The following INSYN2A variants were observed in gnomAD, a reference collection of about 807,000 sequenced individuals.
The protein encoded by INSYN2A is inhibitory synaptic factor 2A, also known as family with sequence similarity 196 member A.
In INSYN2A, 17 loss-of-function variants were observed where a neutral mutation model predicts 39.4. That is an observed-to-expected ratio of 0.43 (90% confidence interval 0.30 to 0.65). The LOEUF is 0.65. INSYN2A is among the 30% of genes least tolerant of loss of function. INSYN2A has a pLI of 0.14. For missense variants in INSYN2A, 595 were observed against 631.2 expected, an observed-to-expected ratio of 0.94 and a Z score of 0.61; for synonymous variants, 255 against 265.7, an observed-to-expected ratio of 0.96 and a Z score of 0.39.
chr10:127,178,460 C>T (rs770775901), intron 2 of INSYN2A, among the ~76,000 whole-genome samples: 26 of 152,116 alleles, frequency 1.7e-4, no homozygotes, highest in Non-Finnish European at 2.9e-4. Flanking sequence ...TAGCACCGCT[C>T]CCTCCCAGTG....
At position 127,175,736 on chromosome 10, in the gene INSYN2A, G is replaced by A. The variant is rs754152980; in HGVS notation, c.660C>T (p.Pro220=). ...TGGCCCTCCCGAGCAGCTGGTAATC[G>A]GGCTCTTCGGATGGAGGCCGAGTGG... is the stretch of plus-strand genomic sequence containing the variant. ...QNSTRPPSEE[P]DYQLLGRAKQ... is the part of the protein sequence containing the mutation. The change falls in exon 4 of 6, where the codon CCC becomes CCT. Residue 220 remains proline, a synonymous_variant. Transcript: ENST00000522781. This position sits in a 1 kb window ranked among gnomAD's most constrained non-coding sequence, Gnocchi z 6.3. The A allele has an allele frequency of 2.0e-5, 32 of 1,613,994 alleles. No individual in the cohort carries two copies. Among genetic ancestry groups the A allele is most frequent in the Middle Eastern group, 1.7e-4 (1 of 6,060 alleles).
intron 2 of INSYN2A, among the ~76,000 whole-genome samples, chr10:127,182,235 G>A (rs1442033325): frequency 4.6e-5 from 7 of 152,154 alleles, no homozygotes; most frequent in Non-Finnish European, 1.0e-4. Context: ...AGGCATCGAG[G>A]CAGAAGAAAA....
intron 4 of INSYN2A, among the ~76,000 whole-genome samples, chr10:127,155,879 G>A (rs561171199): frequency 6.6e-6 from 1 of 152,316 alleles, no homozygotes; most frequent in African/African-American, 2.4e-5. Flanking sequence ...CAATGGCACG[G>A]TCCACGCTGA....
chr10:127,174,314 G>T (rs1441183571), intron 4 of INSYN2A, among the ~76,000 whole-genome samples: 1 of 152,168 alleles, frequency 6.6e-6, no homozygotes, highest in Non-Finnish European at 1.5e-5. Flanking sequence ...ATGGGCAAGA[G>T]AGGTCTCGGC....
rs183992567 is a variant in INSYN2A, at chr10:127,149,580, C to T, written c.1256+4272G>A. 2.3e-3 allele frequency among the ~76,000 whole-genome samples: 348 copies of T among 152,266 alleles called. 4 individuals are homozygous for T. Among genetic ancestry groups the T allele is most frequent in the Admixed American group, 0.019 (284 of 15,290 alleles). On this transcript the variant is annotated intron_variant, in intron 5 of 5. Coordinates refer to ENST00000522781, the MANE Select transcript of INSYN2A (RefSeq NM_001039762.3). The stretch of plus-strand genomic sequence containing the variant: ...CCTGGGCCAGGCATTACTGGAAACA[C>T]GGTGGATAGCTATGCTGCTCGGAGA...
At chr10:127,145,202 G>A (rs1342190315) in intron 5 of INSYN2A, among the ~76,000 whole-genome samples, 1 of 152,118 alleles carries the variant, frequency 6.6e-6, no homozygotes, top group Non-Finnish European at 1.5e-5. Context: ...CAGATGCACA[G>A]GGGTCAGAGA....
intron 4 of INSYN2A, among the ~76,000 whole-genome samples, chr10:127,174,201 CT>C (rs1440188077): frequency 2.6e-5 from 4 of 152,228 alleles, no homozygotes; most frequent in African/African-American, 9.6e-5. Flanking sequence ...GGGCTCAGGG[CT>C]CGCAGAGTGA....
rs200600372 is a variant in INSYN2A at position 127,177,142 on chromosome 10, TAAAA to T, written c.-268-7_-268-4del. 1 of 147,716 alleles carries T rather than the reference TAAAA, an allele frequency of 6.8e-6. No individual in the cohort carries two copies. The allele number at this position is 147,716 out of a possible 1,614,324, so 9.2% of individuals were successfully genotyped here. On this transcript the variant is annotated splice_polypyrimidine_tract_variant and splice_region_variant and intron_variant, in intron 2 of 5. Coordinates refer to ENST00000522781, the MANE Select transcript of INSYN2A (RefSeq NM_001039762.3). Reference sequence around the variant, plus strand: ...GAGAGTGGTACTGGAAAATAATTCTTAAAAAAAAAAATAAAAGAAATTACTCATT... The same window carrying T: ...GAGAGTGGTACTGGAAAATAATTCTTAAAAAAATAAAAGAAATTACTCATT...
intron 4 of INSYN2A, among the ~76,000 whole-genome samples, chr10:127,164,350 A>G (rs919842967): frequency 6.6e-6 from 1 of 150,448 alleles, no homozygotes; most frequent in Non-Finnish European, 1.5e-5. Flanking sequence ...CACCCCACTA[A>G]TTTTTGTATT....
intron 2 of INSYN2A, among the ~76,000 whole-genome samples, chr10:127,190,058 A>T (rs527727222): frequency 6.6e-6 from 1 of 152,326 alleles, no homozygotes; most frequent in Admixed American, 6.5e-5. Flanking sequence ...TTGGGTTATA[A>T]GAACATTAAT....
intron 4 of INSYN2A, among the ~76,000 whole-genome samples, chr10:127,172,985 G>A (rs2054723249): frequency 6.6e-6 from 1 of 152,204 alleles, no homozygotes; most frequent in Non-Finnish European, 1.5e-5. Context: ...GCCACGTGCA[G>A]CTAGTGGCCA....
intron 4 of INSYN2A, among the ~76,000 whole-genome samples, chr10:127,168,197 C>T (rs538248770): frequency 3.9e-5 from 6 of 152,314 alleles, no homozygotes; most frequent in African/African-American, 1.2e-4. Flanking sequence ...GAATCTCACT[C>T]TGGAAAAATG....
At chr10:127,188,441 C>T (rs2056473761) in intron 2 of INSYN2A, among the ~76,000 whole-genome samples, 1 of 152,168 alleles carries the variant, frequency 6.6e-6, no homozygotes, top group Non-Finnish European at 1.5e-5. Context: ...CTGTTCCCTT[C>T]TAGAAATTCC....
rs555152888 is a variant in INSYN2A at position 127,187,136 on chromosome 10, A to G, written c.-269+5469T>C. 4.6e-5 allele frequency among the ~76,000 whole-genome samples: 7 copies of G among 152,358 alleles called. No homozygotes were observed. In the East Asian group the frequency reaches 9.7e-4, roughly 21 times the overall value. ...AGGACATCATACAGTTTCCTGTTCTATGAAGCACCCAACACATAACACATT... is the reference window on the plus strand; with the variant it reads ...AGGACATCATACAGTTTCCTGTTCTGTGAAGCACCCAACACATAACACATT... On this transcript the variant is annotated intron_variant, in intron 2 of 5. Transcript: ENST00000522781.
intron 2 of INSYN2A, among the ~76,000 whole-genome samples, chr10:127,178,164 A>G (rs527763997): frequency 1.4e-4 from 21 of 152,284 alleles, no homozygotes; most frequent in African/African-American, 5.1e-4. Context: ...AATGACCTCT[A>G]TGTCTCAGGC....
chr10:127,150,271 T>C (rs1360753860), intron 5 of INSYN2A, among the ~76,000 whole-genome samples: 1 of 152,136 alleles, frequency 6.6e-6, no homozygotes, highest in East Asian at 1.9e-4. Context: ...GCTTCTGACA[T>C]TTGGGGGTGA....
intron 2 of INSYN2A, among the ~76,000 whole-genome samples, chr10:127,179,527 GTTCT>G (rs1176950508): frequency 2.0e-5 from 3 of 152,170 alleles, no homozygotes; most frequent in Non-Finnish European, 4.4e-5. Flanking sequence ...GAGGTTATGA[GTTCT>G]TTCTGACGGC....
chr10:127,135,973 G>A lies in INSYN2A; in HGVS notation c.*1864C>T, dbSNP rs1320343345. 3 of 152,562 alleles carry A rather than the reference G, an allele frequency of 2.0e-5. No homozygotes were observed. The highest frequency in any genetic ancestry group is 2.9e-5 in the Non-Finnish European group (2 of 68,038). 9.5% of individuals were successfully genotyped at this position (152,562 alleles called of 1,614,324 possible). ...ACCCATTTTTAAATATTTAGTCTAC[G>A]TGAAACAGTTACACTTCCTTCATGT... On this transcript the variant is annotated 3_prime_UTR_variant, in exon 6 of 6. Coordinates refer to ENST00000522781, the MANE Select transcript of INSYN2A (RefSeq NM_001039762.3).
At chr10:127,193,354 G>A (rs567206904) in intron 1 of INSYN2A, among the ~76,000 whole-genome samples, 134 of 152,278 alleles carry the variant, frequency 8.8e-4, no homozygotes, top group Admixed American at 2.2e-3. Context: ...GAGCTTCTTG[G>A]ATGCTATGGA....
Sources: gnomAD v4.1 joint callset for allele counts (sites outside exome capture counted in the v4.1 genomes callset) on GRCh38, gnomAD v4.1.1 for gene constraint, Gnocchi (gnomAD v3.1) non-coding constraint, MANE v1.5 for transcripts, NCBI Gene and HGNC (gene_info 2026-07-23, HGNC 2026-07-21) for gene names.